The following ZNF283 variants were observed in gnomAD, a reference collection of about 807,000 sequenced individuals.
ZNF283 encodes the protein zinc finger protein 41.
A neutral mutation model predicts 9.2 loss-of-function variants in ZNF283; 10 were observed. That is an observed-to-expected ratio of 1.09 (90% CI 0.67 to 1.85). ZNF283 has a LOEUF of 1.85. Among genes scored for constraint, ZNF283 ranks in the 40% most tolerant of loss-of-function variants. The pLI, the probability that ZNF283 is intolerant of heterozygous loss-of-function variation, is 0.00. For missense variants in ZNF283, 631 were observed against 760.1 expected (o/e 0.83, Z 2.00); for synonymous variants, 234 against 244.1 (o/e 0.96, Z 0.38).
rs753517646 is a variant in ZNF283, at chr19:43,837,187, C to T, written c.337+8C>T. 1.3e-6 allele frequency: 2 copies of T among 1,582,766 alleles called. No individual in the cohort carries two copies. The highest frequency in any genetic ancestry group is 2.3e-5 in the South Asian group (2 of 86,524). The stretch of plus-strand genomic sequence containing the variant: ...GTAACTTGGTGTCACTGGGTAAGGT[C>T]ATCTGCCTGAAATAATTTAGAGTCT... On this transcript the variant is annotated splice_region_variant and intron_variant, in intron 6 of 6. Coordinates refer to ENST00000618787, the MANE Select transcript of ZNF283 (RefSeq NM_181845.2).
At chr19:43,832,892 C>T (rs916812934) in intron 3 of ZNF283, among the ~76,000 whole-genome samples, 7 of 151,652 alleles carry the variant, frequency 4.6e-5, no homozygotes, top group South Asian at 2.1e-4. Context: ...GGCAAGGTGG[C>T]GTGCACCTGT....
At chr19:43,844,266 A>AT (rs1971323076) in intron 6 of ZNF283, among the ~76,000 whole-genome samples, 1 of 130,820 alleles carries the variant, frequency 7.6e-6, no homozygotes, top group Admixed American at 7.0e-5. Context: ...GTCCTCAATG[A>AT]TTTTTCTTGA....
At chr19:43,830,114 G>C (rs1599707975) in intron 2 of ZNF283, among the ~76,000 whole-genome samples, 1 of 152,154 alleles carries the variant, frequency 6.6e-6, no homozygotes, top group African/African-American at 2.4e-5. Flanking sequence ...TTGGCCTTTT[G>C]CCTAGGCTGG....
In ZNF283 at chr19:43,848,167, G is replaced by A; in HGVS notation, c.1566G>A (p.Lys522=). 3.1e-6 allele frequency: 5 copies of A among 1,613,988 alleles called. No individual in the cohort carries two copies. Among genetic ancestry groups the A allele is most frequent in the Non-Finnish European group, 4.2e-6 (5 of 1,179,950 alleles). The stretch of plus-strand genomic sequence containing the variant: ...CCTATGAATGTAAGGAATGTGGGAA[G>A]GCTTTTAATTGTGGATCAAGCCTTG... ...EKPYECKECG[K]AFNCGSSLVQ... The change falls in exon 7 of 7, where the codon AAG becomes AAA. Residue 522 remains lysine, a synonymous_variant. Coordinates refer to ENST00000618787, the MANE Select transcript of ZNF283 (RefSeq NM_181845.2).
intron 4 of ZNF283, among the ~76,000 whole-genome samples, chr19:43,835,039 A>C (rs1970904641): frequency 6.6e-6 from 1 of 152,134 alleles, no homozygotes; most frequent in Non-Finnish European, 1.5e-5. Context: ...TATCTTGATT[A>C]TTTCCCTAAG....
rs142917621 is a variant in ZNF283 at position 43,841,701 on chromosome 19, G to C, written c.337+4522G>C. On this transcript the variant is annotated intron_variant, in intron 6 of 6. Coordinates refer to ENST00000618787, the MANE Select transcript of ZNF283 (RefSeq NM_181845.2). Reference sequence around the variant, plus strand: ...ACCTGCCTTGGCCTCCCAAAGTGCTGGGATTACAGGCATGAGCCACTGCAC... The same window carrying C: ...ACCTGCCTTGGCCTCCCAAAGTGCTCGGATTACAGGCATGAGCCACTGCAC... Among the ~76,000 whole-genome samples, 1,163 of 152,182 alleles carry C rather than the reference G, an allele frequency of 7.6e-3. 69 individuals carry two copies. The highest frequency in any genetic ancestry group is 0.07 in the Admixed American group (1,066 of 15,282).
At chr19:43,827,599 G>A (rs888262925) in intron 1 of ZNF283, among the ~76,000 whole-genome samples, 155 bp downstream of exon 1, 3 of 152,094 alleles carry the variant, frequency 2.0e-5, no homozygotes, top group African/African-American at 7.2e-5. Flanking sequence ...AGAGCGTGTC[G>A]TGTCCGGATC....
chr19:43,837,030 A>G (rs765849936), intron 5 of ZNF283, 23 bp from the exon 6 acceptor site: 1 of 1,611,816 alleles, frequency 6.2e-7, no homozygotes, highest in Non-Finnish European at 8.5e-7. Context: ...TTTCACAAGT[A>G]ATACATGGGT....
In ZNF283 at chr19:43,848,511, C is replaced by A. The variant is rs763667377; in HGVS notation, c.1910C>A (p.Thr637Asn). 6.2e-7 allele frequency: 1 copy of A among 1,613,380 alleles called. No individual in the cohort carries two copies. Among genetic ancestry groups the A allele is most frequent in the East Asian group, 2.2e-5 (1 of 44,866 alleles). Reference protein sequence around the residue: ...YQRKEFGKTFTCGSKLVHERT... With the variant: ...YQRKEFGKTFNCGSKLVHERT... ...CGTAAGGAATTCGGGAAGACCTTTA[C>A]TTGTGGCTCAAAACTTGTTCATGAG... The change falls in exon 7 of 7, where the codon ACT becomes AAT. Residue 637 changes from threonine to asparagine, a missense_variant. By Grantham distance (65) the Thr-to-Asn change is moderately conservative (BLOSUM62 0). This residue lies in a region of ZNF283 where 444 missense variants were observed against 522.5 expected (regional missense o/e 0.85). Transcript: ENST00000618787.
intron 3 of ZNF283, among the ~76,000 whole-genome samples, chr19:43,831,837 C>T (rs1358325457): frequency 6.6e-6 from 1 of 152,162 alleles, no homozygotes; most frequent in East Asian, 1.9e-4. Context: ...CCATGTTGCC[C>T]AGGCTGGTCT....
At chr19:43,835,391 T>C in intron 4 of ZNF283, 114 bp from the exon 5 acceptor site, 1 of 704,994 alleles carries the variant, frequency 1.4e-6, no homozygotes. Context: ...CCATAAATGG[T>C]GCGTGGGGTG....
At chr19:43,835,294 C>T (rs987552389) in intron 4 of ZNF283, among the ~76,000 whole-genome samples, 2 of 152,104 alleles carry the variant, frequency 1.3e-5, no homozygotes, top group Non-Finnish European at 2.9e-5. Flanking sequence ...TTGTCGAATC[C>T]CAGGTCCAGA....
At chr19:43,830,901 T>TAAAAA in intron 2 of ZNF283, among the ~76,000 whole-genome samples, 1 of 73,842 alleles carries the variant, frequency 1.4e-5, no homozygotes, top group Non-Finnish European at 2.4e-5. Flanking sequence ...AGACTCCATC[T>TAAAAA]AAAAAAAAAA....
In ZNF283 at chr19:43,849,828, C is replaced by G. The variant is rs1971555779; in HGVS notation, c.*1187C>G. 1.3e-5 allele frequency: 2 copies of G among 152,182 alleles called. No individual in the cohort carries two copies. Among genetic ancestry groups the G allele is most frequent in the Admixed American group, 1.3e-4 (2 of 15,284 alleles). The allele number at this position is 152,182 out of a possible 1,614,324, so 9.4% of individuals were successfully genotyped here. ...ATGCATCATATCCTTGGAAGAGTATCTGGTATGTAGCCTATGCTTAATACA... is the reference window on the plus strand; with the variant it reads ...ATGCATCATATCCTTGGAAGAGTATGTGGTATGTAGCCTATGCTTAATACA... On this transcript the variant is annotated 3_prime_UTR_variant, in exon 7 of 7. Coordinates refer to ENST00000618787, the MANE Select transcript of ZNF283 (RefSeq NM_181845.2).
At chr19:43,845,783 C>T (rs891705126) in intron 6 of ZNF283, among the ~76,000 whole-genome samples, 1 of 152,052 alleles carries the variant, frequency 6.6e-6, no homozygotes, top group Non-Finnish European at 1.5e-5. Flanking sequence ...ATACTTATGT[C>T]ACTTTTTTCA....
At position 43,847,592 on chromosome 19, in the gene ZNF283, G is replaced by A. The variant is rs752058939; in HGVS notation, c.991G>A (p.Gly331Ser). 3.1e-6 allele frequency: 5 copies of A among 1,612,980 alleles called. No homozygotes were observed. The highest frequency in any genetic ancestry group is 3.4e-6 in the Non-Finnish European group (4 of 1,179,554). Residue 331 changes from glycine (G) to serine (S), a missense_variant, in exon 7 of 7, where the codon GGC (glycine) becomes AGC (serine). Around this residue, in one of 3 missense-constraint regions of ZNF283, gnomAD observed 444 missense variants for 522.5 expected, o/e 0.85. Coordinates refer to ENST00000618787, the MANE Select transcript of ZNF283 (RefSeq NM_181845.2). ...GGAATGTGGGAAGGCCTTTTTTTGG[G>A]GCTCAAGCCTTGCTAAACATGAGAT... ...CKECGKAFFWGSSLAKHEIIH... is the reference protein window; with the variant it reads ...CKECGKAFFWSSSLAKHEIIH...
Position 43,849,577 on chromosome 19 carries a change from C to G in ZNF283, c.*936C>G, listed in dbSNP as rs1971549493. On this transcript the variant is annotated 3_prime_UTR_variant, in exon 7 of 7. Transcript: ENST00000618787. ...TTAAATGTGCAGAAGCCTTCCAACA[C>G]TATTCAGTCTTTGTTAAACTTCAGT... is the stretch of plus-strand genomic sequence containing the variant. The G allele has an allele frequency of 6.6e-6, 1 of 152,196 alleles. No homozygotes were observed. Among genetic ancestry groups the G allele is most frequent in the Non-Finnish European group, 1.5e-5 (1 of 68,022 alleles). The allele number at this position is 152,196 out of a possible 1,614,324, so 9.4% of individuals were successfully genotyped here.
rs1445141277 is a variant in ZNF283 at position 43,849,115 on chromosome 19, A to G, written c.*474A>G. ...CAGTAAATATCTTAGAGTACATCAG[A>G]GAATTCATCCAAATGAGAAATCATT... On this transcript the variant is annotated 3_prime_UTR_variant, in exon 7 of 7. Transcript: ENST00000618787. 1 of 152,702 alleles carries G rather than the reference A, an allele frequency of 6.5e-6. No individual in the cohort carries two copies. The highest frequency in any genetic ancestry group is 1.5e-5 in the Non-Finnish European group (1 of 68,348). 9.5% of individuals were successfully genotyped at this position (152,702 alleles called of 1,614,324 possible).
intron 2 of ZNF283, among the ~76,000 whole-genome samples, chr19:43,828,666 C>CT (rs1176375766): frequency 6.6e-6 from 1 of 151,648 alleles, no homozygotes; most frequent in Non-Finnish European, 1.5e-5. Context: ...TTTTTTTTAA[C>CT]TTTTTTTAGA....
Sources: gnomAD v4.1 joint callset for allele counts (sites outside exome capture counted in the v4.1 genomes callset) on GRCh38, gnomAD v4.1.1 for gene constraint, gnomAD v4.1.1 regional missense constraint, MANE v1.5 for transcripts, NCBI Gene and HGNC (gene_info 2026-07-23, HGNC 2026-07-21) for gene names.